Variants in UQCRC1 observed in about 807,000 individuals in gnomAD.
UQCRC1 encodes ubiquinol-cytochrome c reductase core protein 1, also known as cytochrome b-c1 complex subunit 1, mitochondrial.
Under a neutral mutation model 58.0 loss-of-function variants are expected in UQCRC1, and 34 were observed. That is an observed-to-expected ratio of 0.59 (90% confidence interval 0.45 to 0.78). The LOEUF is 0.78. Ranked by LOEUF, UQCRC1 falls within the 30% of genes least tolerant of loss-of-function variation. The pLI is 0.00. For synonymous variants in UQCRC1, 276 were observed against 248.8 expected, an observed-to-expected ratio of 1.11 and a Z score of -1.03; for missense variants, 610 against 646.0, an observed-to-expected ratio of 0.94 and a Z score of 0.60.
intron 10 of UQCRC1, 44 bp downstream of exon 10, chr3:48,600,438 G>C (rs2046353330): frequency 6.2e-7 from 1 of 1,608,506 alleles, no homozygotes; most frequent in African/African-American, 1.3e-5. Context: ...TGCTGTCGCT[G>C]GCAAGATGTA....
chr3:48,600,235 G>A, intron 10 of UQCRC1, 84 bp from the exon 11 acceptor site: 1 of 1,471,966 alleles, frequency 6.8e-7, no homozygotes, highest in East Asian at 2.3e-5. Context: ...GCCTCAGGTT[G>A]ACAAGGACCT....
chr3:48,602,124 A>C (rs2046371584), intron 6 of UQCRC1, among the ~76,000 whole-genome samples: 1 of 149,978 alleles, frequency 6.7e-6, no homozygotes, highest in African/African-American at 2.5e-5. Context: ...AATCTCAGCT[A>C]ACTGCAAGCT....
intron 6 of UQCRC1, among the ~76,000 whole-genome samples, chr3:48,602,524 T>G (rs2046375658): frequency 7.3e-6 from 1 of 136,864 alleles, no homozygotes; most frequent in East Asian, 2.1e-4. Flanking sequence ...AGCATGTTTG[T>G]TTTTTTTTTT....
chr3:48,602,523 G>GT (rs1183025563), intron 6 of UQCRC1, among the ~76,000 whole-genome samples: 1,522 of 128,658 alleles, frequency 0.012, 14 homozygotes, highest in Middle Eastern at 0.017. Flanking sequence ...AAGCATGTTT[G>GT]TTTTTTTTTT....
Position 48,600,107 on chromosome 3 carries a change from A to G in UQCRC1, c.1258T>C (p.Tyr420His). The G allele has an allele frequency of 6.2e-7, 1 of 1,614,144 alleles. No individual in the cohort carries two copies. The highest frequency in any genetic ancestry group is 8.5e-7 in the Non-Finnish European group (1 of 1,180,004). ...CEDIGRSLLT[Y>H]GRRIPLAEWE... ...TCAGCCAGGGGGATGCGGCGGCCAT[A>G]GGTCAGGAGGCTGCGTCCGATGTCC... is the stretch of plus-strand genomic sequence containing the variant. Residue 420 changes from tyrosine (Y) to histidine (H), a missense_variant, in exon 11 of 13, where the codon TAT becomes CAT. Tyr to His is a moderately conservative substitution (Grantham distance 83, BLOSUM62 2). Transcript: ENST00000203407.
intron 6 of UQCRC1, among the ~76,000 whole-genome samples, chr3:48,602,855 C>G (rs776087442): frequency 3.3e-5 from 5 of 152,078 alleles, no homozygotes; most frequent in Non-Finnish European, 7.4e-5. Context: ...CAGTTCCTTA[C>G]CCATGTCCAG....
chr3:48,599,541 A>C, intron 12 of UQCRC1, 94 bp downstream of exon 12: 1 of 1,389,050 alleles, frequency 7.2e-7, no homozygotes, highest in Non-Finnish European at 1.0e-6. Context: ...GCTGCTCTGT[A>C]AGCTGAGCAG....
Position 48,605,831 on chromosome 3 carries a change from C to T in UQCRC1, c.236G>A (p.Ser79Asn). 5.6e-6 allele frequency: 9 copies of T among 1,613,934 alleles called. No individual in the cohort carries two copies. The highest frequency in any genetic ancestry group is 7.6e-6 in the Non-Finnish European group (9 of 1,179,954). The change falls in exon 3 of 13, where the codon AGC (serine) becomes AAC (asparagine). Residue 79 changes from serine to asparagine, a missense_variant. By Grantham distance (46) the Ser-to-Asn change is conservative. Coordinates refer to ENST00000203407, the MANE Select transcript of UQCRC1 (RefSeq NM_003365.3). ...CTVGVWIDVG[S>N]RFETEKNNGA... is the part of the protein sequence containing the mutation. ...ATTATTCTTCTCAGTCTCAAAACGG[C>T]TGCCAACATCAATCCACACTCCCAC...
intron 2 of UQCRC1, among the ~76,000 whole-genome samples, chr3:48,608,377 C>A (rs2046432519): frequency 6.6e-6 from 1 of 152,208 alleles, no homozygotes; most frequent in South Asian, 2.1e-4. Context: ...TTAAAATTGG[C>A]AAGATTCTTG....
At chr3:48,608,197 T>C (rs1343331393) in intron 2 of UQCRC1, among the ~76,000 whole-genome samples, 1 of 152,260 alleles carries the variant, frequency 6.6e-6, no homozygotes, top group Non-Finnish European at 1.5e-5. Flanking sequence ...TCTCTACATC[T>C]GTATGTACGT....
intron 10 of UQCRC1, 81 bp from the exon 11 acceptor site, chr3:48,600,232 G>A (rs1298750016): frequency 1.3e-6 from 2 of 1,504,944 alleles, no homozygotes; most frequent in East Asian, 4.5e-5. Context: ...CCAGCCTCAG[G>A]TTGACAAGGA....
intron 2 of UQCRC1, among the ~76,000 whole-genome samples, chr3:48,607,016 G>A (rs903719456): frequency 1.3e-5 from 2 of 151,544 alleles, no homozygotes; most frequent in South Asian, 2.1e-4. Context: ...GCACCACCAC[G>A]CCCAGCTAAT....
At position 48,609,594 on chromosome 3, in the gene UQCRC1, G is replaced by T. The variant is rs375262609; in HGVS notation, c.27C>A (p.Ala9=). The T allele has an allele frequency of 7.3e-5, 114 of 1,571,190 alleles. No individual in the cohort carries two copies. In the African/African-American group the frequency reaches 1.4e-3, roughly 20 times the overall value. Residue 9 remains alanine, a synonymous_variant, in exon 1 of 13, where the codon GCC becomes GCA. Transcript: ENST00000203407. MAASVVCR[A]ATAGAQVLLR... is the part of the protein sequence containing the mutation. ...ATAGCACTTGTGCCCCGGCGGTAGC[G>T]GCCCGACAGACCACGGACGCCGCCA...
At chr3:48,607,581 G>A (rs913061278) in intron 2 of UQCRC1, among the ~76,000 whole-genome samples, 1 of 147,866 alleles carries the variant, frequency 6.8e-6, no homozygotes, top group African/African-American at 2.5e-5. Flanking sequence ...TTTTAAGACA[G>A]AGGGCCTTGC....
At chr3:48,602,695 G>A (rs542591951) in intron 6 of UQCRC1, among the ~76,000 whole-genome samples, 3 of 151,988 alleles carry the variant, frequency 2.0e-5, no homozygotes, top group African/African-American at 7.2e-5. Context: ...GCTAATTTTT[G>A]TATTTTTACC....
At chr3:48,608,660 T>A (rs1384248963) in intron 2 of UQCRC1, among the ~76,000 whole-genome samples, 1 of 152,248 alleles carries the variant, frequency 6.6e-6, no homozygotes, top group South Asian at 2.1e-4. Context: ...TATTCATATA[T>A]CTATCTGTGA....
chr3:48,600,340 A>T, intron 10 of UQCRC1, 142 bp downstream of exon 10: 1 of 1,135,462 alleles, frequency 8.8e-7, no homozygotes. Flanking sequence ...ACCTGCCTGC[A>T]TCTCCAAGGG....
chr3:48,602,529 T>G (rs540589142), intron 6 of UQCRC1, among the ~76,000 whole-genome samples: 146 of 151,428 alleles, frequency 9.6e-4, no homozygotes, highest in African/African-American at 3.4e-3. Flanking sequence ...GTTTGTTTTT[T>G]TTTTTTTTTT....
chr3:48,600,780 T>G lies in UQCRC1; in HGVS notation c.1027A>C (p.Thr343Pro). Residue 343 changes from threonine (T) to proline (P), a missense_variant, in exon 9 of 13, where the codon ACC becomes CCC. Coordinates refer to ENST00000203407, the MANE Select transcript of UQCRC1 (RefSeq NM_003365.3). ...GTCTCTGCATAGCAGATGCTGAAGG[T>G]CTGGAAACTCTGGCATAGCTTGTTG... Reference protein sequence around the residue: ...VANKLCQSFQTFSICYAETGL... With the variant: ...VANKLCQSFQPFSICYAETGL... The G allele has an allele frequency of 6.2e-7, 1 of 1,614,072 alleles. No individual in the cohort carries two copies. Among genetic ancestry groups the G allele is most frequent in the Non-Finnish European group, 8.5e-7 (1 of 1,180,024 alleles).
Sources: allele counts gnomAD v4.1 joint callset (sites outside exome capture counted in the v4.1 genomes callset), GRCh38; gene constraint gnomAD v4.1.1; transcripts MANE v1.5; gene names NCBI Gene and HGNC (gene_info 2026-07-23, HGNC 2026-07-21).